VCL: variants seen among roughly 807,000 people sequenced by gnomAD.
The protein encoded by VCL is epididymis luminal protein 114.
Under a neutral mutation model 125.7 loss-of-function variants are expected in VCL, and 47 were observed. The observed-to-expected ratio is 0.37, with a 90% confidence interval of 0.30 to 0.48. The LOEUF (loss-of-function observed/expected upper bound fraction) is 0.48, where lower values mean the gene tolerates loss of function less well. VCL is among the 20% of genes least tolerant of loss of function. The pLI is 0.99. For missense variants in VCL, 1,069 were observed against 1,455.5 expected (o/e 0.73, Z 4.32); for synonymous variants, 458 against 514.6 (o/e 0.89, Z 1.49).
intron 2 of VCL, among the ~76,000 whole-genome samples, chr10:74,044,397 T>C (rs953184247): frequency 1.3e-5 from 2 of 152,180 alleles, no homozygotes; most frequent in Non-Finnish European, 2.9e-5. Context: ...ACATAAGACT[T>C]TCCAAAAAGG....
rs771628544 is a variant in VCL at position 74,097,316 on chromosome 10, C to T, written c.1856C>T (p.Ala619Val). 2.9e-5 allele frequency: 47 copies of T among 1,613,314 alleles called. No homozygotes were observed. The highest frequency in any genetic ancestry group is 6.7e-5 in the African/African-American group (5 of 74,892). Reference protein sequence around the residue: ...LAVAATAPPDAPNREEVFDER... With the variant: ...LAVAATAPPDVPNREEVFDER... Reference sequence around the variant, plus strand: ...GTGGCAGCCACGGCGCCTCCTGATGCGCCTAACAGGGAAGAGGTGGGTATC... The same window carrying T: ...GTGGCAGCCACGGCGCCTCCTGATGTGCCTAACAGGGAAGAGGTGGGTATC... The change falls in exon 13 of 22, where the codon GCG becomes GTG. Residue 619 changes from alanine (A) to valine (V), a missense_variant. Ala to Val is a moderately conservative substitution (Grantham distance 64). This residue lies in a region of VCL where 760 missense variants were observed against 928.9 expected (regional missense o/e 0.82). Coordinates refer to ENST00000211998, the MANE Select transcript of VCL (RefSeq NM_014000.3). This position sits in a 1 kb window ranked among gnomAD's most constrained non-coding sequence, Gnocchi z 4.1.
At chr10:74,067,614 T>C (rs1841593071) in intron 2 of VCL, among the ~76,000 whole-genome samples, 1 of 152,214 alleles carries the variant, frequency 6.6e-6, no homozygotes, top group Admixed American at 6.5e-5. Context: ...AGTAGATTAA[T>C]GGGTAAACAA....
In VCL at chr10:74,089,101, A is replaced by G. The variant is rs1839834959; in HGVS notation, c.1023-95A>G. On this transcript the variant is annotated intron_variant, in intron 8 of 21. Coordinates refer to ENST00000211998, the MANE Select transcript of VCL (RefSeq NM_014000.3). The stretch of plus-strand genomic sequence containing the variant: ...ACTGGGAAAAAGGAAAAAGCCAAGC[A>G]TGTTCATGAAAACCACATGTACTGT... The G allele has an allele frequency of 3.8e-6, 6 of 1,559,630 alleles. No individual in the cohort carries two copies. The South Asian group carries it at 5.8e-5, about 15-fold the overall frequency.
At chr10:74,092,641 A>G (rs1310220790) in intron 10 of VCL, among the ~76,000 whole-genome samples, 1 of 152,116 alleles carries the variant, frequency 6.6e-6, no homozygotes, top group Non-Finnish European at 1.5e-5. Context: ...GTGAGCTACC[A>G]CGGCCCAGGC....
At chr10:74,055,128 C>T (rs537391027) in intron 2 of VCL, among the ~76,000 whole-genome samples, 1 of 151,882 alleles carries the variant, frequency 6.6e-6, no homozygotes, top group African/African-American at 2.4e-5. Flanking sequence ...GGTGGAAACC[C>T]GTCTCTACTA....
intron 2 of VCL, among the ~76,000 whole-genome samples, chr10:74,056,607 GT>G (rs1841395971): frequency 6.6e-6 from 1 of 152,176 alleles, no homozygotes; most frequent in African/African-American, 2.4e-5. Flanking sequence ...GTACACCCGT[GT>G]GAGTTGGTGC....
At position 73,998,899 on chromosome 10, in the gene VCL, C is replaced by T. The variant is rs375497650; in HGVS notation, c.168+524C>T. On this transcript the variant is annotated intron_variant, in intron 1 of 21. Transcript: ENST00000211998. ...GTCCTCCTTTCTAATACTTCTGCCCCTCACCCTGAGACCCGCCTCGCCCAC... is the reference window on the plus strand; with the variant it reads ...GTCCTCCTTTCTAATACTTCTGCCCTTCACCCTGAGACCCGCCTCGCCCAC... Among the ~76,000 whole-genome samples the T allele has an allele frequency of 4.6e-5, 7 of 152,338 alleles. No homozygotes were observed. In the East Asian group the frequency reaches 1.4e-3, roughly 29 times the overall value.
chr10:74,088,668 A>G (rs995956229), intron 8 of VCL, among the ~76,000 whole-genome samples: 10 of 152,206 alleles, frequency 6.6e-5, no homozygotes, highest in Non-Finnish European at 1.5e-4. Context: ...GAGGTTAAAC[A>G]TCATAAACAA....
chr10:74,099,183 G>A (rs1840013406), intron 13 of VCL, among the ~76,000 whole-genome samples: 1 of 151,996 alleles, frequency 6.6e-6, no homozygotes, highest in Non-Finnish European at 1.5e-5. Flanking sequence ...CCTTCAGTGG[G>A]GCCTGTACTT....
intron 1 of VCL, among the ~76,000 whole-genome samples, chr10:74,001,003 T>A (rs1840215090): frequency 6.6e-6 from 1 of 152,200 alleles, no homozygotes; most frequent in African/African-American, 2.4e-5. Context: ...GCAAGTAGAT[T>A]ATCTTGATTG....
chr10:74,111,386 C>T (rs1840216303), intron 18 of VCL, among the ~76,000 whole-genome samples: 1 of 152,208 alleles, frequency 6.6e-6, no homozygotes, highest in Admixed American at 6.5e-5. Context: ...CTGGCAGCTG[C>T]AGAGCTGACC....
intron 2 of VCL, among the ~76,000 whole-genome samples, chr10:74,061,587 C>T (rs1329479282): frequency 2.6e-5 from 4 of 152,086 alleles, no homozygotes; most frequent in African/African-American, 7.2e-5. Context: ...GTTCAAGTTT[C>T]CTGGAAACAA....
intron 8 of VCL, among the ~76,000 whole-genome samples, chr10:74,086,260 A>G (rs1322011080): frequency 6.6e-6 from 1 of 152,246 alleles, no homozygotes; most frequent in African/African-American, 2.4e-5. Flanking sequence ...ACCTAAAAAG[A>G]TGCATATAAA....
In VCL at chr10:74,095,835, C is replaced by G. The variant is rs1181880110; in HGVS notation, c.1723C>G (p.Gln575Glu). 1 of 1,613,972 alleles carries G rather than the reference C, an allele frequency of 6.2e-7. No individual in the cohort carries two copies. Among genetic ancestry groups the G allele is most frequent in the Non-Finnish European group, 8.5e-7 (1 of 1,180,034 alleles). The change falls in exon 12 of 22, where the codon CAG (glutamine) becomes GAG (glutamate). Residue 575 changes from glutamine to glutamate, a missense_variant. By Grantham distance (29) the Gln-to-Glu change is conservative (BLOSUM62 2). Transcript: ENST00000211998. Reference sequence around the variant, plus strand: ...TCCTCAGGCACGAGCACTTGCATCTCAGCTCCAAGACTCCTTAAAGGTAGA... The same window carrying G: ...TCCTCAGGCACGAGCACTTGCATCTGAGCTCCAAGACTCCTTAAAGGTAGA... ...ESPQARALAS[Q>E]LQDSLKDLKA... is the part of the protein sequence containing the mutation.
intron 10 of VCL, among the ~76,000 whole-genome samples, chr10:74,092,033 C>T (rs539768651): frequency 2.0e-5 from 3 of 151,876 alleles, no homozygotes; most frequent in East Asian, 1.9e-4. Flanking sequence ...CTCAGCCTCC[C>T]GAGTAGCTGG....
intron 6 of VCL, among the ~76,000 whole-genome samples, chr10:74,079,164 A>G (rs1051127202): frequency 2.0e-5 from 3 of 152,140 alleles, no homozygotes; most frequent in African/African-American, 7.2e-5. Context: ...AAGAGTGCCA[A>G]GGCACTGTAT....
At chr10:74,111,019 AT>A (rs1840211079) in intron 18 of VCL, among the ~76,000 whole-genome samples, 1 of 152,192 alleles carries the variant, frequency 6.6e-6, no homozygotes, top group Non-Finnish European at 1.5e-5. Context: ...TGTGAACTAG[AT>A]AAGCAGAGTT....
intron 1 of VCL, among the ~76,000 whole-genome samples, chr10:74,041,282 AATATG>A (rs1841089565): frequency 6.6e-6 from 1 of 152,116 alleles, no homozygotes; most frequent in Non-Finnish European, 1.5e-5. Flanking sequence ...ATGGTTTATA[AATATG>A]ATTTAGTACT....
chr10:74,050,129 A>G (rs1339445036), intron 2 of VCL, among the ~76,000 whole-genome samples: 3 of 152,198 alleles, frequency 2.0e-5, no homozygotes, highest in Admixed American at 2.0e-4. Flanking sequence ...CATGGTGTAC[A>G]TTATCTGTTG....
Sources: allele counts gnomAD v4.1 joint callset (sites outside exome capture counted in the v4.1 genomes callset), GRCh38; gene constraint gnomAD v4.1.1; regional missense constraint gnomAD v4.1.1; non-coding constraint Gnocchi (gnomAD v3.1); transcripts MANE v1.5; gene names NCBI Gene and HGNC (gene_info 2026-07-23, HGNC 2026-07-21).